Variants in NDUFB6 observed in about 807,000 individuals in gnomAD.
NDUFB6 encodes NADH dehydrogenase [ubiquinone] 1 beta subcomplex subunit 6.
Under a neutral mutation model 17.5 loss-of-function variants are expected in NDUFB6, and 23 were observed. That is an observed-to-expected ratio of 1.31 (90% confidence interval 0.94 to 1.86). The LOEUF is 1.86. Ranked by LOEUF, NDUFB6 falls within the 40% of genes most tolerant of loss-of-function variation. The pLI is 0.00. For synonymous variants in NDUFB6, 60 were observed against 53.5 expected (o/e 1.12, Z -0.53); for missense variants, 167 against 153.8 (o/e 1.09, Z -0.46).
chr9:32,553,025 A>G lies in NDUFB6; in HGVS notation c.*851T>C. On this transcript the variant is annotated 3_prime_UTR_variant, in exon 4 of 4. Coordinates refer to ENST00000379847, the MANE Select transcript of NDUFB6 (RefSeq NM_002493.5). ...GCAAAGTTCCCAAGTTTATTTTTGCATTATCCTTTATAACAAGCACTAGTA... is the reference window on the plus strand; with the variant it reads ...GCAAAGTTCCCAAGTTTATTTTTGCGTTATCCTTTATAACAAGCACTAGTA... 1 of 584,730 alleles carries G rather than the reference A, an allele frequency of 1.7e-6. No homozygotes were observed. The highest frequency in any genetic ancestry group is 3.0e-6 in the Non-Finnish European group (1 of 329,790). The allele number at this position is 584,730 out of a possible 1,614,324, so 36.2% of individuals were successfully genotyped here.
intron 3 of NDUFB6, among the ~76,000 whole-genome samples, chr9:32,556,080 G>A (rs1821447446): frequency 4.0e-5 from 4 of 99,792 alleles, no homozygotes; most frequent in Admixed American, 3.6e-4. Flanking sequence ...GGAGATCATG[G>A]ATTTGGGGCC....
chr9:32,570,822 C>G (rs569113741), intron 2 of NDUFB6, 138 bp downstream of exon 2: 2 of 517,472 alleles, frequency 3.9e-6, no homozygotes, highest in South Asian at 3.8e-5. Context: ...TTCATTAAAC[C>G]TTTTACCTAA....
chr9:32,572,933 A>T lies in NDUFB6; in HGVS notation c.128T>A (p.Met43Lys). The change falls in exon 1 of 4, where the codon ATG becomes AAG. Residue 43 changes from methionine (M) to lysine (K), a missense_variant. Physicochemically the swap from Met to Lys is moderately conservative, Grantham distance 95. Coordinates refer to ENST00000379847, the MANE Select transcript of NDUFB6 (RefSeq NM_002493.5). ...CAAAAATTTATTCCAGAATTTCTCCATAGGCCCCATCTTCTGTGGGGGCAG... is the reference window on the plus strand; with the variant it reads ...CAAAAATTTATTCCAGAATTTCTCCTTAGGCCCCATCTTCTGTGGGGGCAG... ...PVLPPQKMGP[M>K]EKFWNKFLEN... 1 of 1,608,038 alleles carries T rather than the reference A, an allele frequency of 6.2e-7. No homozygotes were observed. Among genetic ancestry groups the T allele is most frequent in the African/African-American group, 1.3e-5 (1 of 74,644 alleles).
intron 2 of NDUFB6, chr9:32,566,137 G>A (rs1349212874): frequency 1.6e-6 from 1 of 635,806 alleles, no homozygotes; most frequent in East Asian, 2.5e-5. Flanking sequence ...CGAGAATATG[G>A]TGTGTATATG....
chr9:32,571,787 T>A (rs1821946333), intron 1 of NDUFB6, among the ~76,000 whole-genome samples: 1 of 152,248 alleles, frequency 6.6e-6, no homozygotes, highest in Non-Finnish European at 1.5e-5. Flanking sequence ...ATGGATGGGA[T>A]GTCAACTTTA....
intron 2 of NDUFB6, among the ~76,000 whole-genome samples, chr9:32,564,629 C>A (rs1426830074): frequency 6.6e-6 from 1 of 152,150 alleles, no homozygotes; most frequent in East Asian, 1.9e-4. Context: ...GTCCCACCCC[C>A]ATGTCCCCCA....
At position 32,553,918 on chromosome 9, in the gene NDUFB6, T is replaced by C. The variant is rs564318342; in HGVS notation, c.345A>G (p.Glu115=). ...GAAATTCTTTCATTGGTGGAATTACTTCTCCAGTCTCCAGAATTGTATCAC... is the reference window on the plus strand; with the variant it reads ...GAAATTCTTTCATTGGTGGAATTACCTCTCCAGTCTCCAGAATTGTATCAC... ...FPGDTILETG[E]VIPPMKEFPD... Residue 115 remains glutamate, a synonymous_variant, in exon 4 of 4, where the codon GAA becomes GAG. Coordinates refer to ENST00000379847, the MANE Select transcript of NDUFB6 (RefSeq NM_002493.5). 3 of 1,599,058 alleles carry C rather than the reference T, an allele frequency of 1.9e-6. No homozygotes were observed. The highest frequency in any genetic ancestry group is 2.2e-5 in the South Asian group (2 of 90,428).
chr9:32,553,085 C>T lies in NDUFB6; in HGVS notation c.*791G>A, dbSNP rs535758571. 61 of 512,370 alleles carry T rather than the reference C, an allele frequency of 1.2e-4. No homozygotes were observed. Among genetic ancestry groups the T allele is most frequent in the Middle Eastern group, 5.1e-4 (1 of 1,958 alleles). 31.7% of individuals were successfully genotyped at this position (512,370 alleles called of 1,614,324 possible). ...TTCACTTAGAGATTTTAGTATTTTA[C>T]ATTCTCATGACAAAATTAACAGCAA... On this transcript the variant is annotated 3_prime_UTR_variant, in exon 4 of 4. Transcript: ENST00000379847.
chr9:32,568,189 A>G (rs1415450625), intron 2 of NDUFB6: 2 of 168,562 alleles, frequency 1.2e-5, no homozygotes, highest in African/African-American at 4.8e-5. Flanking sequence ...TATCAACATG[A>G]ACAAGAGTTT....
At chr9:32,562,837 T>G (rs886871386) in intron 2 of NDUFB6, among the ~76,000 whole-genome samples, 1 of 152,206 alleles carries the variant, frequency 6.6e-6, no homozygotes, top group African/African-American at 2.4e-5. Context: ...TGTTCTCCAT[T>G]GACTGTGCAG....
chr9:32,557,309 G>A (rs1399233236), intron 3 of NDUFB6, among the ~76,000 whole-genome samples: 2 of 147,860 alleles, frequency 1.4e-5, no homozygotes, highest in South Asian at 2.2e-4. Context: ...GATTACAGGC[G>A]TGCACCACCA....
In NDUFB6 at chr9:32,570,015, T is replaced by TGAGGTATGC. The variant is rs796396720; in HGVS notation, c.273+936_273+944dup. On this transcript the variant is annotated intron_variant, in intron 2 of 3. Coordinates refer to ENST00000379847, the MANE Select transcript of NDUFB6 (RefSeq NM_002493.5). ...TCTACAACCAATTCTGAAATATCTC[T>TGAGGTATGC]GAGGTATGCCTGTATTTGGCCAATC... 1.1e-4 allele frequency among the ~76,000 whole-genome samples: 17 copies of TGAGGTATGC among 152,292 alleles called. No homozygotes were observed. The South Asian group carries it at 2.3e-3, about 20-fold the overall frequency.
chr9:32,564,440 TTTC>T (rs1434177332), intron 2 of NDUFB6, among the ~76,000 whole-genome samples: 1 of 152,208 alleles, frequency 6.6e-6, no homozygotes, highest in African/African-American at 2.4e-5. Flanking sequence ...CAGTGCCATT[TTTC>T]TTTTTTCTGA....
intron 2 of NDUFB6, among the ~76,000 whole-genome samples, chr9:32,563,505 G>A (rs866359648): frequency 3.7e-5 from 1 of 27,298 alleles, no homozygotes; most frequent in East Asian, 4.0e-4. Flanking sequence ...TTTTTTTTTT[G>A]GAGGGATGGG....
chr9:32,558,986 G>A, intron 2 of NDUFB6, 32 bp from the exon 3 acceptor site: 2 of 1,470,586 alleles, frequency 1.4e-6, no homozygotes, highest in Middle Eastern at 1.9e-4. Flanking sequence ...TGTTAATTAT[G>A]GTGTTAAGAG....
At position 32,553,666 on chromosome 9, in the gene NDUFB6, A is replaced by G; in HGVS notation, c.*210T>C. 3.9e-6 allele frequency: 2 copies of G among 512,142 alleles called. No individual in the cohort carries two copies. The highest frequency in any genetic ancestry group is 6.9e-6 in the Non-Finnish European group (2 of 287,862). 31.7% of individuals were successfully genotyped at this position (512,142 alleles called of 1,614,324 possible). A position where few individuals can be genotyped will look rare whatever the true frequency, so the allele number is the denominator to read the frequency against. On this transcript the variant is annotated 3_prime_UTR_variant, in exon 4 of 4. Transcript: ENST00000379847. Reference sequence around the variant, plus strand: ...CGTTTTCCAAGTCAAGAATGACCAGAAAAAGTAGGTAGTCTCTCATATTTG... The same window carrying G: ...CGTTTTCCAAGTCAAGAATGACCAGGAAAAGTAGGTAGTCTCTCATATTTG...
At chr9:32,572,785 A>T in intron 1 of NDUFB6, 96 bp downstream of exon 1, 1 of 1,163,696 alleles carries the variant, frequency 8.6e-7, no homozygotes, top group Non-Finnish European at 1.2e-6. Flanking sequence ...GAGCGTTATC[A>T]GTCCTTGGTG....
chr9:32,558,810 A>G, intron 3 of NDUFB6, 100 bp downstream of exon 3: 1 of 805,574 alleles, frequency 1.2e-6, no homozygotes, highest in East Asian at 2.6e-5. Flanking sequence ...ACCGAAAGTG[A>G]GAAGGAAAGA....
intron 2 of NDUFB6, chr9:32,566,407 A>T: frequency 1.1e-6 from 1 of 903,990 alleles, no homozygotes; most frequent in South Asian, 1.3e-5. Context: ...GGTCCAGAAG[A>T]GGAGCCTGCT....
Sources: gnomAD v4.1 joint callset for allele counts (sites outside exome capture counted in the v4.1 genomes callset) on GRCh38, gnomAD v4.1.1 for gene constraint, MANE v1.5 for transcripts, NCBI Gene and HGNC (gene_info 2026-07-23, HGNC 2026-07-21) for gene names.